The following ANKRD11 variants were observed in gnomAD, a reference collection of about 807,000 sequenced individuals.
The protein encoded by ANKRD11 is ankyrin repeat domain-containing protein 11.
In ANKRD11, 17 loss-of-function variants were observed where a neutral mutation model predicts 195.7. That is an observed-to-expected ratio of 0.09 (90% confidence interval 0.06 to 0.13). ANKRD11 has a LOEUF of 0.13. ANKRD11 is among the 10% of genes least tolerant of loss of function. The pLI is 1.00. For missense variants in ANKRD11, 3,735 were observed against 3,566.1 expected (o/e 1.05, Z -1.21); for synonymous variants, 1,953 against 1,528.1 (o/e 1.28, Z -6.49).
At chr16:89,449,124 G>T (rs1056142218) in intron 1 of ANKRD11, among the ~76,000 whole-genome samples, 1 of 151,212 alleles carries the variant, frequency 6.6e-6, no homozygotes, top group Non-Finnish European at 1.5e-5. Flanking sequence ...GCTGAGGCCG[G>T]AGGATTGCTT....
At chr16:89,406,628 C>A (rs944484215) in intron 2 of ANKRD11, among the ~76,000 whole-genome samples, 1 of 152,160 alleles carries the variant, frequency 6.6e-6, no homozygotes, top group Non-Finnish European at 1.5e-5. Flanking sequence ...AGGCCCAGGG[C>A]AGGACATCAG....
At chr16:89,489,961 C>G (rs531833471) in intron 1 of ANKRD11, among the ~76,000 whole-genome samples, 1 of 146,420 alleles carries the variant, frequency 6.8e-6, no homozygotes, top group Non-Finnish European at 1.5e-5. Context: ...ACCTCCCAGG[C>G]CCCCCCCGGA....
intron 2 of ANKRD11, among the ~76,000 whole-genome samples, chr16:89,368,510 G>A (rs778538548): frequency 4.1e-5 from 6 of 145,486 alleles, no homozygotes; most frequent in South Asian, 2.3e-4. Context: ...ATGAGCCACC[G>A]CGCCCAGCCC....
At position 89,407,852 on chromosome 16, in the gene ANKRD11, CAAAAAAAAAAA is replaced by C. The variant is rs60723753; in HGVS notation, c.-60+10421_-60+10431del. ...GTGAGAGTCAGATCCTGTCTCCCTC[CAAAAAAAAAAA>C]AAAAAAAAAAGAAGAAGAAGAAATA... On this transcript the variant is annotated intron_variant, in intron 2 of 12. Transcript: ENST00000301030. Among the ~76,000 whole-genome samples the C allele has an allele frequency of 1.0e-3, 117 of 111,432 alleles. 1 individual carries two copies. The Middle Eastern group carries it at 0.014, about 13-fold the overall frequency. The allele number at this position is 111,432 out of a possible 152,430, so 73.1% of individuals were successfully genotyped here.
intron 4 of ANKRD11, among the ~76,000 whole-genome samples, chr16:89,293,513 G>A (rs2035204725): frequency 6.7e-6 from 1 of 149,328 alleles, no homozygotes; most frequent in Non-Finnish European, 1.5e-5. Context: ...GGGCTGCAGA[G>A]CGAGGAGGCG....
At chr16:89,303,090 G>A (rs1415809135) in intron 4 of ANKRD11, among the ~76,000 whole-genome samples, 2 of 152,188 alleles carry the variant, frequency 1.3e-5, no homozygotes, top group African/African-American at 4.8e-5. Flanking sequence ...CAGCCAGATG[G>A]GGTGGGCACC....
rs1349086238 is a variant in ANKRD11, at chr16:89,275,115, C to T, written c.7547G>A (p.Arg2516His). ...RQQEAVRGKL[R>H]LQHSIEREKL... is the part of the protein sequence containing the mutation. ...TACCCGCTCGATGCTGTGCTGTAGA[C>T]GCAGCTTTCCCCGGACGGCCTCCTG... The change falls in exon 10 of 13, where the codon CGT (arginine) becomes CAT (histidine). Residue 2516 changes from arginine (R) to histidine (H), a missense_variant. Physicochemically the swap from Arg to His is conservative, Grantham distance 29. Transcript: ENST00000301030. 5.0e-6 allele frequency: 8 copies of T among 1,612,636 alleles called. No homozygotes were observed. Among genetic ancestry groups the T allele is most frequent in the East Asian group, 2.2e-5 (1 of 44,876 alleles).
At chr16:89,324,371 G>C (rs538526962) in intron 2 of ANKRD11, 39 of 816,024 alleles carry the variant, frequency 4.8e-5, no homozygotes, top group Non-Finnish European at 5.9e-5. Context: ...CCAGGAGGGC[G>C]GCACGTGGGC....
chr16:89,270,750 C>T, intron 12 of ANKRD11, 67 bp downstream of exon 12: 1 of 1,516,844 alleles, frequency 6.6e-7, no homozygotes, highest in Non-Finnish European at 9.1e-7. Context: ...AGGGGGTTGT[C>T]ACCACCCATC....
At chr16:89,423,436 T>C (rs2042594769) in intron 1 of ANKRD11, among the ~76,000 whole-genome samples, 1 of 152,236 alleles carries the variant, frequency 6.6e-6, no homozygotes, top group African/African-American at 2.4e-5. Context: ...GTGCATTCCT[T>C]TCATGAGTAC....
intron 1 of ANKRD11, among the ~76,000 whole-genome samples, chr16:89,464,396 C>G (rs1314323109): frequency 6.6e-6 from 1 of 151,910 alleles, no homozygotes; most frequent in East Asian, 1.9e-4. Flanking sequence ...ATCACGAGGT[C>G]AGGAGTTCAA....
At chr16:89,327,190 C>T (rs553156184) in intron 2 of ANKRD11, among the ~76,000 whole-genome samples, 5 of 152,170 alleles carry the variant, frequency 3.3e-5, no homozygotes, top group African/African-American at 7.2e-5. Flanking sequence ...GTCAACGTCA[C>T]CCAGCATGCC....
At chr16:89,480,473 T>C (rs763445342) in intron 1 of ANKRD11, among the ~76,000 whole-genome samples, 3 of 150,646 alleles carry the variant, frequency 2.0e-5, no homozygotes, top group Non-Finnish European at 2.9e-5. Flanking sequence ...TGAGACTCCA[T>C]CTCAAAAAAA....
chr16:89,366,346 G>A (rs1305801109), intron 2 of ANKRD11, among the ~76,000 whole-genome samples: 3 of 152,154 alleles, frequency 2.0e-5, no homozygotes, highest in Admixed American at 1.3e-4. Flanking sequence ...TATATACCCA[G>A]TAATGAGACT....
chr16:89,451,034 G>C (rs1036770524), intron 1 of ANKRD11, among the ~76,000 whole-genome samples: 1 of 152,120 alleles, frequency 6.6e-6, no homozygotes, highest in Non-Finnish European at 1.5e-5. Flanking sequence ...TAGTTTTATT[G>C]GAACACAGCC....
chr16:89,331,151 G>A (rs1381120819), intron 2 of ANKRD11, among the ~76,000 whole-genome samples: 1 of 152,024 alleles, frequency 6.6e-6, no homozygotes, highest in Non-Finnish European at 1.5e-5. Flanking sequence ...ATGGGGTTTC[G>A]CCATGTTGGC....
chr16:89,442,117 C>T (rs1233649680), intron 1 of ANKRD11, among the ~76,000 whole-genome samples: 6 of 152,312 alleles, frequency 3.9e-5, no homozygotes, highest in East Asian at 1.9e-4. Context: ...GAGCAGTTGG[C>T]ACACCGATGC....
intron 2 of ANKRD11, among the ~76,000 whole-genome samples, chr16:89,383,858 C>G (rs2040774593): frequency 6.6e-6 from 1 of 152,158 alleles, no homozygotes; most frequent in Non-Finnish European, 1.5e-5. Flanking sequence ...TCCCAAACAC[C>G]ACCTCCAAGC....
At chr16:89,388,292 G>GGTTTTTTTT (rs1567734637) in intron 2 of ANKRD11, among the ~76,000 whole-genome samples, 1 of 61,052 alleles carries the variant, frequency 1.6e-5, no homozygotes, top group Non-Finnish European at 3.9e-5. Flanking sequence ...CCATGAGGCT[G>GGTTTTTTTT]ATTTTTTTTT....
Sources: gnomAD v4.1 joint callset for allele counts (sites outside exome capture counted in the v4.1 genomes callset) on GRCh38, gnomAD v4.1.1 for gene constraint, MANE v1.5 for transcripts, NCBI Gene and HGNC (gene_info 2026-07-23, HGNC 2026-07-21) for gene names.